Variants in ABL1 observed in about 807,000 individuals in gnomAD.
ABL1 encodes tyrosine-protein kinase ABL1.
A neutral mutation model predicts 94.7 loss-of-function variants in ABL1; 11 were observed. The ratio of observed to expected loss-of-function variants is 0.12; its 90% confidence interval spans 0.07 to 0.19. The LOEUF (loss-of-function observed/expected upper bound fraction) is 0.19. Among genes scored for constraint, ABL1 ranks in the 10% least tolerant of loss-of-function variants. The pLI, the probability that ABL1 is intolerant of heterozygous loss-of-function variation, is 1.00. For synonymous variants in ABL1, 656 were observed against 622.4 expected (o/e 1.05, Z -0.80); for missense variants, 1,082 against 1,489.4 (o/e 0.73, Z 4.50).
intron 1 of ABL1, among the ~76,000 whole-genome samples, chr9:130,798,966 C>CAAAAAAAAAAAAAAAAA (rs71389357): frequency 3.0e-5 from 2 of 66,828 alleles, no homozygotes; most frequent in African/African-American, 5.4e-5. Context: ...GACTCCGTCT[C>CAAAAAAAAAAAAAAAAA]AAAAAAAAAA....
At chr9:130,833,022 TATTC>T (rs1483783516), upstream of ABL1, among the ~76,000 whole-genome samples, 1 of 152,156 alleles carries the variant, frequency 6.6e-6, no homozygotes, top group African/African-American at 2.4e-5. Flanking sequence ...TTATAAGCAT[TATTC>T]ATTTTAAGAG....
chr9:130,819,057 G>C (rs1057019729), intron 1 of ABL1, among the ~76,000 whole-genome samples: 5 of 152,136 alleles, frequency 3.3e-5, no homozygotes, highest in Admixed American at 6.6e-5. Context: ...TTGGAGGTCA[G>C]AAATTGTCTC....
chr9:130,716,669 C>T lies in ABL1; in HGVS notation c.136+2214C>T, dbSNP rs1483634341. On this transcript the variant is annotated intron_variant, in intron 1 of 10. Transcript: ENST00000372348. ...CAGACTAAAAAGTGTATGAAGGAATCTTTCAAAGAAAACAACAGGTAGCAT... is the reference window on the plus strand; with the variant it reads ...CAGACTAAAAAGTGTATGAAGGAATTTTTCAAAGAAAACAACAGGTAGCAT... 2.6e-5 allele frequency among the ~76,000 whole-genome samples: 4 copies of T among 152,192 alleles called. 1 individual carries two copies. The South Asian group carries it at 6.2e-4, about 24-fold the overall frequency.
intron 10 of ABL1, among the ~76,000 whole-genome samples, chr9:130,882,398 G>A (rs3808814): frequency 0.12 from 18,089 of 152,096 alleles, 1,236 homozygotes; most frequent in African/African-American, 0.19. Context: ...CAGATGTCCC[G>A]CGTGCTGCCT....
At chr9:130,813,349 C>T (rs1269295731) in intron 1 of ABL1, among the ~76,000 whole-genome samples, 1 of 151,692 alleles carries the variant, frequency 6.6e-6, no homozygotes, top group Non-Finnish European at 1.5e-5. Context: ...ATCACGAGGT[C>T]AGGAGATCAA....
rs575489742 is a variant in ABL1 at position 130,860,023 on chromosome 9, G to T, written c.550-2740G>T. ...TTCTTTGACAAGTCCCATCCTTCAG[G>T]TTCATGCATGATTAGGGAGAGGCAG... On this transcript the variant is annotated intron_variant, in intron 3 of 10. Transcript: ENST00000318560. Among the ~76,000 whole-genome samples, 148 of 152,234 alleles carry T rather than the reference G, an allele frequency of 9.7e-4. 1 individual carries two copies. Among genetic ancestry groups the T allele is most frequent in the African/African-American group, 3.4e-3 (143 of 41,526 alleles).
At chr9:130,768,797 A>C (rs916524996) in intron 1 of ABL1, among the ~76,000 whole-genome samples, 5 of 152,244 alleles carry the variant, frequency 3.3e-5, no homozygotes, top group African/African-American at 1.2e-4. Flanking sequence ...GACAATTGGA[A>C]GTAACTTAAA....
intron 1 of ABL1, among the ~76,000 whole-genome samples, chr9:130,772,029 C>T (rs1832259613): frequency 6.6e-6 from 1 of 152,206 alleles, no homozygotes; most frequent in African/African-American, 2.4e-5. Flanking sequence ...GCTGGGATTA[C>T]AGGCATGAGC....
intron 1 of ABL1, among the ~76,000 whole-genome samples, chr9:130,720,606 A>G (rs1831502199): frequency 6.6e-6 from 1 of 152,190 alleles, no homozygotes; most frequent in Non-Finnish European, 1.5e-5. Context: ...ACTTTGATTC[A>G]TATGATGTGG....
chr9:130,756,081 C>T (rs1172029733), intron 1 of ABL1, among the ~76,000 whole-genome samples: 1 of 152,130 alleles, frequency 6.6e-6, no homozygotes, highest in Non-Finnish European at 1.5e-5. Flanking sequence ...GGAAGCATGT[C>T]TGTGAGAAAA....
intron 1 of ABL1, among the ~76,000 whole-genome samples, chr9:130,796,188 A>C (rs1829971630): frequency 6.6e-6 from 1 of 151,890 alleles, no homozygotes; most frequent in African/African-American, 2.4e-5. Context: ...AATAATAATA[A>C]GATAAAAAAT....
Position 130,885,981 on chromosome 9 carries a change from T to C in ABL1, c.*298T>C. 2.3e-6 allele frequency: 1 copy of C among 427,534 alleles called. No individual in the cohort carries two copies. Among genetic ancestry groups the C allele is most frequent in the Admixed American group, 4.0e-5 (1 of 24,920 alleles). The allele number at this position is 427,534 out of a possible 1,614,324, so 26.5% of individuals were successfully genotyped here. A position where few individuals can be genotyped will look rare whatever the true frequency, so the allele number is the denominator to read the frequency against. The stretch of plus-strand genomic sequence containing the variant: ...AGGACCCGCCAGCCCCGCTCCCACC[T>C]AGTGCCCCAGACTGAGCTCTCCAGG... On this transcript the variant is annotated 3_prime_UTR_variant, in exon 11 of 11. Coordinates refer to ENST00000318560, the MANE Select transcript of ABL1 (RefSeq NM_005157.6).
upstream of ABL1, chr9:130,834,933 G>A (rs543457751): frequency 4.8e-5 from 22 of 455,852 alleles, 1 homozygote; most frequent in Admixed American, 3.3e-4. Context: ...CAAAAGCGGT[G>A]CAGGTTGGAG....
At chr9:130,840,429 G>C (rs1025524646) in intron 1 of ABL1, among the ~76,000 whole-genome samples, 21 of 152,134 alleles carry the variant, frequency 1.4e-4, no homozygotes, top group Admixed American at 6.6e-4. Flanking sequence ...TGAAAATCTG[G>C]TGCCACTTAC....
chr9:130,729,258 G>C (rs1487976072), intron 1 of ABL1, among the ~76,000 whole-genome samples: 1 of 152,182 alleles, frequency 6.6e-6, no homozygotes, highest in African/African-American at 2.4e-5. Flanking sequence ...AAACCTCTGT[G>C]TCTGTGCAGT....
At chr9:130,874,727 G>A (rs1158520352) in intron 6 of ABL1, 141 bp from the exon 7 acceptor site, 3 of 850,520 alleles carry the variant, frequency 3.5e-6, no homozygotes, top group Non-Finnish European at 5.6e-6. Context: ...TGTGTTAATT[G>A]CCGTGGGCAT....
chr9:130,768,574 T>C (rs987433238), intron 1 of ABL1, among the ~76,000 whole-genome samples: 10 of 152,180 alleles, frequency 6.6e-5, no homozygotes, highest in Admixed American at 6.5e-4. Flanking sequence ...ATGTTGCTTG[T>C]TAGAGCCAGT....
chr9:130,746,896 G>A (rs1231204420), intron 1 of ABL1, among the ~76,000 whole-genome samples: 1 of 152,086 alleles, frequency 6.6e-6, no homozygotes. Context: ...TCTGAAATTA[G>A]TATCACTGGG....
Position 130,886,470 on chromosome 9 carries a change from C to G in ABL1, c.*787C>G, listed in dbSNP as rs1831586134. Reference sequence around the variant, plus strand: ...TGCACTGTGAATCCTGGCAAGAAAGCTTGAGTCTCAAGGGTGGCAGGTCAC... The same window carrying G: ...TGCACTGTGAATCCTGGCAAGAAAGGTTGAGTCTCAAGGGTGGCAGGTCAC... On this transcript the variant is annotated 3_prime_UTR_variant, in exon 11 of 11. Coordinates refer to ENST00000318560, the MANE Select transcript of ABL1 (RefSeq NM_005157.6). The G allele has an allele frequency of 8.6e-6, 2 of 233,448 alleles. No individual in the cohort carries two copies. Among genetic ancestry groups the G allele is most frequent in the South Asian group, 3.6e-4 (2 of 5,540 alleles). The allele number at this position is 233,448 out of a possible 1,614,324, so 14.5% of individuals were successfully genotyped here.
Sources: allele counts gnomAD v4.1 joint callset (sites outside exome capture counted in the v4.1 genomes callset), GRCh38; gene constraint gnomAD v4.1.1; transcripts MANE v1.5; gene names NCBI Gene and HGNC (gene_info 2026-07-23, HGNC 2026-07-21).